The following EPHX2 variants were observed in gnomAD, a reference collection of about 807,000 sequenced individuals.
The protein encoded by EPHX2 is bifunctional epoxide hydrolase 2.
In EPHX2, 74 loss-of-function variants were observed where a neutral mutation model predicts 78.7. That is an observed-to-expected ratio of 0.94 (90% CI 0.78 to 1.14). The LOEUF (loss-of-function observed/expected upper bound fraction) is 1.14, where lower values mean the gene tolerates loss of function less well. EPHX2 is among the 50% of genes most tolerant of loss of function. EPHX2 has a pLI of 0.00. For missense variants in EPHX2, 715 were observed against 702.5 expected (o/e 1.02, Z -0.20); for synonymous variants, 251 against 255.2 (o/e 0.98, Z 0.16).
rs537787758 is a variant in EPHX2 at position 27,511,879 on chromosome 8, G to C, written c.704G>C (p.Ser235Thr). Residue 235 changes from serine (S) to threonine (T), a missense_variant, in exon 6 of 19, where the codon AGT becomes ACT. Transcript: ENST00000521400. ...PAPLPTSCNP[S>T]DMSHGYVTVK... Reference sequence around the variant, plus strand: ...CCTCTGCCGACCTCTTGCAATCCAAGTGACATGAGCCATGGGTACGTGACA... The same window carrying C: ...CCTCTGCCGACCTCTTGCAATCCAACTGACATGAGCCATGGGTACGTGACA... 1 of 1,614,122 alleles carries C rather than the reference G, an allele frequency of 6.2e-7. No individual in the cohort carries two copies. The highest frequency in any genetic ancestry group is 2.2e-5 in the East Asian group (1 of 44,884).
intron 12 of EPHX2, among the ~76,000 whole-genome samples, chr8:27,535,911 G>A (rs1251618754): frequency 6.6e-6 from 1 of 152,176 alleles, no homozygotes; most frequent in African/African-American, 2.4e-5. Flanking sequence ...CACCAGGAAG[G>A]TTCTGGAGCC....
intron 6 of EPHX2, among the ~76,000 whole-genome samples, chr8:27,513,478 AGT>A (rs1216481853): frequency 6.6e-6 from 1 of 152,144 alleles, no homozygotes; most frequent in Non-Finnish European, 1.5e-5. Flanking sequence ...ACCTTGAAGG[AGT>A]GTGATCAGAA....
intron 14 of EPHX2, among the ~76,000 whole-genome samples, chr8:27,539,541 C>A (rs200972357): frequency 1.3e-5 from 2 of 152,226 alleles, no homozygotes; most frequent in Non-Finnish European, 2.9e-5. Context: ...TTCCCTCCCC[C>A]ACACCCACAT....
intron 12 of EPHX2, among the ~76,000 whole-genome samples, chr8:27,532,764 C>G (rs1815090526): frequency 6.6e-6 from 1 of 152,070 alleles, no homozygotes; most frequent in African/African-American, 2.4e-5. Context: ...GATCTAGGGC[C>G]CAATCTAAAG....
At chr8:27,541,389 T>TAA in intron 15 of EPHX2, 84 bp from the exon 16 acceptor site, 1 of 1,402,078 alleles carries the variant, frequency 7.1e-7, no homozygotes, top group Non-Finnish European at 1.0e-6. Context: ...GACGACTGGC[T>TAA]GTGCAGAGCA....
Position 27,515,787 on chromosome 8 carries a change from G to A in EPHX2, c.805G>A (p.Glu269Lys), listed in dbSNP as rs754312469. 1.2e-5 allele frequency: 20 copies of A among 1,613,916 alleles called. No homozygotes were observed. Among genetic ancestry groups the A allele is most frequent in the South Asian group, 3.3e-5 (3 of 91,078 alleles). Residue 269 changes from glutamate (E) to lysine (K), a missense_variant, in exon 7 of 19, where the codon GAG (glutamate) becomes AAG (lysine). Physicochemically the swap from Glu to Lys is moderately conservative, Grantham distance 56. Transcript: ENST00000521400. ...TGTGTGCCTCTGCCATGGATTTCCC[G>A]AGAGTTGGTATTCTTGGAGGTACCA... ...PAVCLCHGFP[E>K]SWYSWRYQIP...
chr8:27,493,686 G>T (rs1813469528), intron 1 of EPHX2, among the ~76,000 whole-genome samples: 2 of 140,880 alleles, frequency 1.4e-5, no homozygotes, highest in African/African-American at 6.2e-5. Context: ...GAAGGTGCAG[G>T]TGCCTGTCCA....
At chr8:27,512,675 G>A (rs1440397363) in intron 6 of EPHX2, among the ~76,000 whole-genome samples, 1 of 152,072 alleles carries the variant, frequency 6.6e-6, no homozygotes, top group African/African-American at 2.4e-5. Flanking sequence ...AAATATGAAA[G>A]GATCTAAAGC....
At chr8:27,543,064 A>G (rs1815460945) in intron 16 of EPHX2, among the ~76,000 whole-genome samples, 1 of 136,810 alleles carries the variant, frequency 7.3e-6, no homozygotes, top group East Asian at 2.3e-4. Context: ...AGAGTTTACA[A>G]ACCTCATAGA....
At chr8:27,501,065 C>A in intron 2 of EPHX2, 55 bp downstream of exon 2, 1 of 1,487,894 alleles carries the variant, frequency 6.7e-7, no homozygotes, top group Non-Finnish European at 9.3e-7. Flanking sequence ...TGCCTGTGTG[C>A]CCATCTCCCC....
chr8:27,508,662 G>A, intron 5 of EPHX2, among the ~76,000 whole-genome samples: 1 of 152,190 alleles, frequency 6.6e-6, no homozygotes, highest in South Asian at 2.1e-4. Context: ...AGGGGTAGGA[G>A]GAAGAGGAAG....
In EPHX2 at chr8:27,536,828, CAA is replaced by C. The variant is rs1291864681; in HGVS notation, c.1218_1219del (p.Ser407ProfsTer7). On this transcript the variant is annotated frameshift_variant, in exon 13 of 19. Coordinates refer to ENST00000521400, the MANE Select transcript of EPHX2 (RefSeq NM_001979.6). LOFTEE classifies it high-confidence loss of function. ...TGGAACAGAACCTGAGTCGGACTTT[CAA>C]AAGCCTCTTCAGAGCAAGCGATGAG... ...ELEQNLSRTF[K>X]SLFRASDESV... 5.0e-6 allele frequency: 8 copies of C among 1,611,972 alleles called. No individual in the cohort carries two copies. The highest frequency in any genetic ancestry group is 6.8e-6 in the Non-Finnish European group (8 of 1,179,444).
At position 27,510,002 on chromosome 8, in the gene EPHX2, G is replaced by A. The variant is rs573749724; in HGVS notation, c.661-1834G>A. ...TGCTCACAGGCCTTGGCTCCCGCCC[G>A]ACCATGGGCTCATGGCCATCAGGAG... On this transcript the variant is annotated intron_variant, in intron 5 of 18. Transcript: ENST00000521400. 7.9e-5 allele frequency among the ~76,000 whole-genome samples: 12 copies of A among 152,250 alleles called. No individual in the cohort carries two copies. In the East Asian group the frequency reaches 1.9e-3, roughly 25 times the overall value.
chr8:27,515,415 G>A (rs1814409962), intron 6 of EPHX2: 1 of 360,110 alleles, frequency 2.8e-6, no homozygotes, highest in Non-Finnish European at 5.2e-6. Flanking sequence ...GAAACTGTGA[G>A]AGTATGGGGG....
intron 14 of EPHX2, among the ~76,000 whole-genome samples, chr8:27,539,976 GT>G (rs1355844504): frequency 6.6e-6 from 1 of 152,256 alleles, no homozygotes; most frequent in East Asian, 1.9e-4. Context: ...GCTGCCAGGG[GT>G]CATCACAGGC....
At chr8:27,541,351 C>T (rs1815394015) in intron 15 of EPHX2, 122 bp from the exon 16 acceptor site, 4 of 1,012,374 alleles carry the variant, frequency 4.0e-6, no homozygotes, top group East Asian at 2.6e-5. Context: ...TATTCTCTTG[C>T]CCCTGCAGGA....
chr8:27,506,576 T>C (rs1187712877), intron 4 of EPHX2, among the ~76,000 whole-genome samples: 2 of 152,242 alleles, frequency 1.3e-5, no homozygotes, highest in African/African-American at 4.8e-5. Context: ...TCCAGATACA[T>C]TTTTTGGTCT....
chr8:27,536,714 C>T, intron 12 of EPHX2, 70 bp from the exon 13 acceptor site: 7 of 1,547,638 alleles, frequency 4.5e-6, no homozygotes, highest in Non-Finnish European at 6.2e-6. Flanking sequence ...TGCTTTCAGT[C>T]AGATGAAGGA....
chr8:27,506,014 AGC>A (rs1585191857), intron 4 of EPHX2, among the ~76,000 whole-genome samples: 2 of 152,210 alleles, frequency 1.3e-5, no homozygotes, highest in East Asian at 3.9e-4. Flanking sequence ...TTAGAGACAG[AGC>A]CTCACTCTGT....
Sources: gnomAD v4.1 joint callset for allele counts (sites outside exome capture counted in the v4.1 genomes callset) on GRCh38, gnomAD v4.1.1 for gene constraint, MANE v1.5 for transcripts, NCBI Gene and HGNC (gene_info 2026-07-23, HGNC 2026-07-21) for gene names.